The following NCOR1 variants were observed in gnomAD, a reference collection of about 807,000 sequenced individuals.
NCOR1 encodes protein phosphatase 1, regulatory subunit 109.
In NCOR1, 63 loss-of-function variants were observed where a neutral mutation model predicts 288.1. That is an observed-to-expected ratio of 0.22 (90% CI 0.18 to 0.27). NCOR1 has a LOEUF of 0.27. Among genes scored for constraint, NCOR1 ranks in the 10% least tolerant of loss-of-function variants. The pLI is 1.00. For missense variants in NCOR1, 2,397 were observed against 3,019.2 expected (o/e 0.79, Z 4.83); for synonymous variants, 1,007 against 1,065.9 (o/e 0.94, Z 1.08).
At chr17:16,192,381 C>G (rs968107404) in intron 2 of NCOR1, among the ~76,000 whole-genome samples, 1 of 152,134 alleles carries the variant, frequency 6.6e-6, no homozygotes, top group African/African-American at 2.4e-5. Context: ...TGGGGCCGGG[C>G]ACAGTGGCTC....
At chr17:16,094,856 T>G (rs1174690746) in intron 21 of NCOR1, among the ~76,000 whole-genome samples, 1 of 152,194 alleles carries the variant, frequency 6.6e-6, no homozygotes, top group Non-Finnish European at 1.5e-5. Context: ...TGGAGTCTCG[T>G]TAACTCAGTG....
At chr17:16,043,892 G>A (rs573095380) in intron 42 of NCOR1, among the ~76,000 whole-genome samples, 5 of 152,258 alleles carry the variant, frequency 3.3e-5, no homozygotes, top group African/African-American at 4.8e-5. Context: ...AAAGGTGGCC[G>A]GATACAGTGG....
At chr17:16,177,961 G>A (rs2084568815) in intron 3 of NCOR1, among the ~76,000 whole-genome samples, 2 of 152,118 alleles carry the variant, frequency 1.3e-5, no homozygotes, top group African/African-American at 4.8e-5. Flanking sequence ...TGTAATCCCA[G>A]CATTTTGGGA....
chr17:16,171,866 A>G lies in NCOR1; in HGVS notation c.372T>C (p.Ala124=), dbSNP rs753358239. The G allele has an allele frequency of 2.1e-5, 34 of 1,613,302 alleles. 1 individual carries two copies. In the East Asian group the frequency reaches 6.9e-4, roughly 33 times the overall value. Residue 124 remains alanine, a synonymous_variant, in exon 4 of 46, where the codon GCT becomes GCC. Coordinates refer to ENST00000268712, the MANE Select transcript of NCOR1 (RefSeq NM_006311.4). ...GCGGGTGCACTAAAGGCAAAACCGC[A>G]GCACTGACACGCTGAAAATGAGAAT... ...VSDSHFQRVS[A]AVLPLVHPLP...
chr17:16,205,183 G>A (rs1156899192), intron 1 of NCOR1, among the ~76,000 whole-genome samples: 1 of 151,478 alleles, frequency 6.6e-6, no homozygotes, highest in Non-Finnish European at 1.5e-5. Flanking sequence ...TCCTGCCATT[G>A]CAATCCAGCC....
At chr17:16,081,814 G>C (rs2063452710) in intron 23 of NCOR1, among the ~76,000 whole-genome samples, 1 of 152,222 alleles carries the variant, frequency 6.6e-6, no homozygotes, top group Non-Finnish European at 1.5e-5. Context: ...CAGGGAATGA[G>C]ATGTTCATGG....
At chr17:16,151,827 T>C (rs748140135) in intron 8 of NCOR1, 119 bp downstream of exon 8, 1 of 979,058 alleles carries the variant, frequency 1.0e-6, no homozygotes, top group South Asian at 1.4e-5. Flanking sequence ...GACAGCAAAT[T>C]ACACAAATCT....
At chr17:16,040,894 A>G (rs1065822) in intron 42 of NCOR1, 3 of 184,578 alleles carry the variant, frequency 1.6e-5, no homozygotes, top group African/African-American at 2.4e-5. Flanking sequence ...AATAAATAAA[A>G]AAAGAAGCAG....
chr17:16,207,177 A>T (rs2153604556), intron 1 of NCOR1, among the ~76,000 whole-genome samples: 1 of 152,342 alleles, frequency 6.6e-6, no homozygotes, highest in East Asian at 1.9e-4. Flanking sequence ...AAAAATCTTA[A>T]AAGTAACGCA....
At position 16,045,688 on chromosome 17, in the gene NCOR1, T is replaced by G. The variant is rs559854865; in HGVS notation, c.6679+1263A>C. ...CATGACCAGCTGTTTATATTTTTAG[T>G]AGAGACAGGGTTTCACCATCTTGCC... On this transcript the variant is annotated intron_variant, in intron 42 of 45. Transcript: ENST00000268712. Among the ~76,000 whole-genome samples the G allele has an allele frequency of 7.2e-5, 11 of 152,198 alleles. No homozygotes were observed. The South Asian group carries it at 1.2e-3, about 17-fold the overall frequency.
Position 16,068,136 on chromosome 17 carries a change from C to T in NCOR1, c.4514-15G>A, listed in dbSNP as rs778779438. On this transcript the variant is annotated splice_polypyrimidine_tract_variant and intron_variant, in intron 31 of 45. Coordinates refer to ENST00000268712, the MANE Select transcript of NCOR1 (RefSeq NM_006311.4). The stretch of plus-strand genomic sequence containing the variant: ...AGAAATTGTAACTGGAAAAAAAGAG[C>T]CAATGCCACAAGTTCTTAAGAAACT... 6.4e-7 allele frequency: 1 copy of T among 1,567,734 alleles called. No individual in the cohort carries two copies. Among genetic ancestry groups the T allele is most frequent in the Non-Finnish European group, 8.7e-7 (1 of 1,146,834 alleles).
chr17:16,207,660 G>T (rs2091672438), intron 1 of NCOR1, among the ~76,000 whole-genome samples: 1 of 149,998 alleles, frequency 6.7e-6, no homozygotes, highest in Admixed American at 6.7e-5. Context: ...AGAATGGTGT[G>T]AACCTGGGAG....
In NCOR1 at chr17:16,043,865, A is replaced by G. The variant is rs1447431464; in HGVS notation, c.6679+3086T>C. Among the ~76,000 whole-genome samples the G allele has an allele frequency of 2.6e-5, 4 of 152,244 alleles. No homozygotes were observed. The East Asian group carries it at 7.7e-4, about 29-fold the overall frequency. ...TGAAGACTGGAGACAGAAAATAGTA[A>G]TAACAATATTTTTTGAAAAGGTGGC... On this transcript the variant is annotated intron_variant, in intron 42 of 45. Transcript: ENST00000268712.
intron 16 of NCOR1, 143 bp downstream of exon 16, chr17:16,120,909 A>C (rs910156593): frequency 4.1e-6 from 3 of 729,020 alleles, no homozygotes; most frequent in Non-Finnish European, 6.2e-6. Flanking sequence ...AAACTTTGAC[A>C]TTAAAGTTTA....
rs1267429627 is a variant in NCOR1, at chr17:16,197,306, T to C, written c.-70-2667A>G. ...ACTGCACTCCAGCCTGGGTGAGGGG[T>C]CCAGACTCCGTCTCCAAAAAAAAAA... On this transcript the variant is annotated intron_variant, in intron 1 of 45. Coordinates refer to ENST00000268712, the MANE Select transcript of NCOR1 (RefSeq NM_006311.4). Among the ~76,000 whole-genome samples the C allele has an allele frequency of 1.1e-4, 16 of 151,010 alleles. No individual in the cohort carries two copies. The East Asian group carries it at 2.9e-3, about 27-fold the overall frequency.
chr17:16,104,150 C>T (rs2068140090), intron 19 of NCOR1, among the ~76,000 whole-genome samples: 1 of 152,220 alleles, frequency 6.6e-6, no homozygotes. Context: ...AGGCTATAAA[C>T]TCCATGAAGA....
intron 14 of NCOR1, among the ~76,000 whole-genome samples, chr17:16,135,343 A>G (rs530722131): frequency 1.1e-4 from 17 of 151,620 alleles, no homozygotes; most frequent in African/African-American, 3.6e-4. Flanking sequence ...CACTGTCAAC[A>G]CTCAATTTAT....
chr17:16,140,027 C>T (rs2076937359), intron 11 of NCOR1, among the ~76,000 whole-genome samples: 1 of 152,178 alleles, frequency 6.6e-6, no homozygotes, highest in Non-Finnish European at 1.5e-5. Flanking sequence ...ATTGAAATTA[C>T]CTCAATACAT....
At position 16,139,025 on chromosome 17, in the gene NCOR1, C is replaced by A; in HGVS notation, c.1335G>T (p.Lys445Asn). 1 of 1,570,502 alleles carries A rather than the reference C, an allele frequency of 6.4e-7. No homozygotes were observed. Among genetic ancestry groups the A allele is most frequent in the East Asian group, 2.3e-5 (1 of 43,910 alleles). Residue 445 changes from lysine (K) to asparagine (N), a missense_variant, in exon 12 of 46, where the codon AAG (lysine) becomes AAT (asparagine). By Grantham distance (94) the Lys-to-Asn change is moderately conservative (BLOSUM62 0). Transcript: ENST00000268712. ...QFMNVWTDHE[K>N]EIFKDKFIQH... Reference sequence around the variant, plus strand: ...TAAATTACTTGTCCTTAAAGATCTCCTTTTCATGGTCAGTCCAAACATTCA... The same window carrying A: ...TAAATTACTTGTCCTTAAAGATCTCATTTTCATGGTCAGTCCAAACATTCA...
Sources: allele counts gnomAD v4.1 joint callset (sites outside exome capture counted in the v4.1 genomes callset), GRCh38; gene constraint gnomAD v4.1.1; transcripts MANE v1.5; gene names NCBI Gene and HGNC (gene_info 2026-07-23, HGNC 2026-07-21).